CCDC77: variants seen among roughly 807,000 people sequenced by gnomAD.
CCDC77 encodes coiled-coil domain-containing protein 77.
A neutral mutation model predicts 66.8 loss-of-function variants in CCDC77; 56 were observed. The observed-to-expected ratio is 0.84, with a 90% CI of 0.68 to 1.05. The LOEUF is 1.05. Among genes scored for constraint, CCDC77 ranks in the 50% least tolerant of loss-of-function variants. The probability of loss-of-function intolerance (pLI) is 0.00; values close to 1 mark genes in which losing one functional copy is unlikely to be tolerated. For synonymous variants in CCDC77, 196 were observed against 195.2 expected, an observed-to-expected ratio of 1.00 and a Z score of -0.03; for missense variants, 570 against 576.8, an observed-to-expected ratio of 0.99 and a Z score of 0.12.
At chr12:421,498 CTG>C (rs1486308134) in intron 5 of CCDC77, among the ~76,000 whole-genome samples, 2 of 19,058 alleles carry the variant, frequency 1.0e-4, no homozygotes. Flanking sequence ...CAGTGCTCTT[CTG>C]TGTGTGTGTG....
chr12:397,331 T>A (rs938101815), upstream of CCDC77, among the ~76,000 whole-genome samples: 3 of 152,122 alleles, frequency 2.0e-5, no homozygotes, highest in South Asian at 2.1e-4. Flanking sequence ...CTTGATTTTT[T>A]AAAAATTGCA....
chr12:429,372 T>C (rs1945602990), intron 6 of CCDC77, among the ~76,000 whole-genome samples: 1 of 152,196 alleles, frequency 6.6e-6, no homozygotes, highest in African/African-American at 2.4e-5. Flanking sequence ...ACTATTTCTA[T>C]TTTTTCACTT....
chr12:410,353 T>C (rs961286154), intron 3 of CCDC77, among the ~76,000 whole-genome samples: 2 of 152,004 alleles, frequency 1.3e-5, no homozygotes, highest in African/African-American at 4.8e-5. Context: ...CCGCAACGTC[T>C]GCCTCCCAGA....
intron 2 of CCDC77, among the ~76,000 whole-genome samples, chr12:406,382 G>A (rs947731301): frequency 3.3e-5 from 5 of 152,148 alleles, no homozygotes; most frequent in East Asian, 1.9e-4. Flanking sequence ...CTGTAGGTAC[G>A]GGGACTCTGA....
chr12:431,252 C>T (rs1334101215), intron 7 of CCDC77, among the ~76,000 whole-genome samples: 9 of 133,692 alleles, frequency 6.7e-5, no homozygotes, highest in Non-Finnish European at 9.4e-5. Flanking sequence ...GAGTTTTGCT[C>T]CTGTTGCCCA....
chr12:393,536 CCTTT>C (rs1406084714), intron 1 of CCDC77, among the ~76,000 whole-genome samples: 1 of 83,048 alleles, frequency 1.2e-5, no homozygotes, highest in African/African-American at 4.0e-5. Flanking sequence ...TCAATCTTGT[CCTTT>C]TTTTTTTTTT....
intron 8 of CCDC77, 32 bp from the exon 9 acceptor site, chr12:433,142 C>A: frequency 6.3e-7 from 1 of 1,587,140 alleles, no homozygotes; most frequent in Non-Finnish European, 8.6e-7. Flanking sequence ...GGAAGTAGGG[C>A]TGGATTCCTC....
chr12:415,334 TTA>T (rs1945210818), intron 4 of CCDC77, among the ~76,000 whole-genome samples: 1 of 136,096 alleles, frequency 7.3e-6, no homozygotes, highest in African/African-American at 2.9e-5. Context: ...CAACATAATA[TTA>T]TGTTAATATA....
At chr12:433,059 G>A (rs1945680035) in intron 8 of CCDC77, 115 bp from the exon 9 acceptor site, 7 of 1,084,268 alleles carry the variant, frequency 6.5e-6, no homozygotes, top group Middle Eastern at 5.3e-4. Context: ...TTAGGATTGA[G>A]ATGTTTTTGT....
At chr12:417,766 G>A (rs1017704363) in intron 4 of CCDC77, among the ~76,000 whole-genome samples, 4 of 151,998 alleles carry the variant, frequency 2.6e-5, no homozygotes, top group East Asian at 1.9e-4. Flanking sequence ...TTAGCTGGGC[G>A]TGGTGCACAC....
intron 4 of CCDC77, among the ~76,000 whole-genome samples, chr12:416,982 T>G (rs887081156): frequency 6.6e-6 from 1 of 151,882 alleles, no homozygotes; most frequent in African/African-American, 2.4e-5. Context: ...CTATTAAAAA[T>G]ACAAAAATTA....
upstream of CCDC77, among the ~76,000 whole-genome samples, chr12:400,366 CTT>C (rs1481929329): frequency 2.0e-5 from 3 of 152,174 alleles, no homozygotes; most frequent in Admixed American, 2.0e-4. Flanking sequence ...CCTTCAAAAA[CTT>C]TTCCTTTGCA....
At position 441,004 on chromosome 12, in the gene CCDC77, C is replaced by G; in HGVS notation, c.1320+8C>G. 1.2e-6 allele frequency: 2 copies of G among 1,608,426 alleles called. No homozygotes were observed. Among genetic ancestry groups the G allele is most frequent in the Non-Finnish European group, 1.7e-6 (2 of 1,179,828 alleles). On this transcript the variant is annotated splice_region_variant and intron_variant, in intron 12 of 12. Coordinates refer to ENST00000239830, the MANE Select transcript of CCDC77 (RefSeq NM_032358.4). ...GAGCAAATGTTGTATAAGGTAATTGCTGGTCCTGAATTGCCACGAGGGAGA... is the reference window on the plus strand; with the variant it reads ...GAGCAAATGTTGTATAAGGTAATTGGTGGTCCTGAATTGCCACGAGGGAGA...
At chr12:419,157 A>G (rs996611577) in intron 5 of CCDC77, among the ~76,000 whole-genome samples, 11 of 152,232 alleles carry the variant, frequency 7.2e-5, no homozygotes, top group Non-Finnish European at 5.9e-5. Flanking sequence ...GAGGTAGAAT[A>G]TGAACGGATA....
chr12:411,971 A>G lies in CCDC77; in HGVS notation c.263A>G (p.Glu88Gly). ...CTGGAACTCTACAAAGAAGCTTGTG[A>G]AGGACAGGTAAAGAAACGATGCTGC... ...KKLELYKEAC[E>G]GQHKLECDLQ... Residue 88 changes from glutamate (E) to glycine (G), a missense_variant, in exon 4 of 13, where the codon GAA (glutamate) becomes GGA (glycine). Transcript: ENST00000239830. 6.2e-7 allele frequency: 1 copy of G among 1,611,800 alleles called. No homozygotes were observed. Among genetic ancestry groups the G allele is most frequent in the South Asian group, 1.1e-5 (1 of 90,952 alleles).
intron 2 of CCDC77, among the ~76,000 whole-genome samples, chr12:407,782 A>ATT (rs386375348): frequency 0.58 from 58,527 of 100,578 alleles, 18,240 homozygotes; most frequent in East Asian, 0.7. Flanking sequence ...AGGACTGAAG[A>ATT]TTTTTTTTTT....
At position 423,477 on chromosome 12, in the gene CCDC77, G is replaced by GTTTTTTT. The variant is rs1565572179; in HGVS notation, c.413+4842_413+4843insTTTTTTT. 7.4e-3 allele frequency among the ~76,000 whole-genome samples: 184 copies of GTTTTTTT among 24,950 alleles called. 8 individuals carry two copies. Among genetic ancestry groups the GTTTTTTT allele is most frequent in the Non-Finnish European group, 0.014 (134 of 9,512 alleles). 16.4% of individuals were successfully genotyped at this position (24,950 alleles called of 152,430 possible). A position where few individuals can be genotyped will look rare whatever the true frequency, so the allele number is the denominator to read the frequency against. On this transcript the variant is annotated intron_variant, in intron 5 of 12. Coordinates refer to ENST00000239830, the MANE Select transcript of CCDC77 (RefSeq NM_032358.4). ...TTTCTGGGTGTTTTTTGTGTTTTTT[G>GTTTTTTT]TGTTTTTTTTTGTTTTGTTTTTTTT...
intron 5 of CCDC77, among the ~76,000 whole-genome samples, chr12:428,380 G>A (rs985738507): frequency 2.6e-5 from 4 of 151,538 alleles, no homozygotes; most frequent in African/African-American, 4.8e-5. Context: ...GCATAGTGGC[G>A]GGCGCCTGTA....
rs1236795341 is a variant in CCDC77 at position 438,023 on chromosome 12, G to A, written c.822-312G>A. Among the ~76,000 whole-genome samples the A allele has an allele frequency of 4.6e-5, 7 of 151,998 alleles. No individual in the cohort carries two copies. The East Asian group carries it at 1.3e-3, about 29-fold the overall frequency. On this transcript the variant is annotated intron_variant, in intron 9 of 12. Transcript: ENST00000239830. ...TCTTCCTTGTCTTATTCCTAGGAAT[G>A]GTCCATAGTTAACGCAGGCTATGTG...
Sources: gnomAD v4.1 joint callset for allele counts (sites outside exome capture counted in the v4.1 genomes callset) on GRCh38, gnomAD v4.1.1 for gene constraint, MANE v1.5 for transcripts, NCBI Gene and HGNC (gene_info 2026-07-23, HGNC 2026-07-21) for gene names.